CDH12: variants seen among roughly 807,000 people sequenced by gnomAD.
CDH12 encodes the protein cadherin-12.
CDH12 carries 41 observed loss-of-function variants against 74.1 expected under a neutral mutation model. The observed-to-expected ratio is 0.55, with a 90% CI of 0.43 to 0.72. CDH12 has a LOEUF of 0.72. Ranked by LOEUF, CDH12 falls within the 30% of genes least tolerant of loss-of-function variation. The pLI, the probability that CDH12 is intolerant of heterozygous loss-of-function variation, is 0.00. For missense variants in CDH12, 945 were observed against 977.2 expected (o/e 0.97, Z 0.44); for synonymous variants, 399 against 355.0 (o/e 1.12, Z -1.39).
chr5:21,847,821 A>G (rs1202776918), intron 7 of CDH12, among the ~76,000 whole-genome samples: 1 of 152,002 alleles, frequency 6.6e-6, no homozygotes, highest in Non-Finnish European at 1.5e-5. Context: ...TTTCTCTAAC[A>G]TTCTCTCCTT....
intron 3 of CDH12, among the ~76,000 whole-genome samples, chr5:22,284,303 A>G (rs896966432): frequency 2.0e-5 from 3 of 152,160 alleles, no homozygotes; most frequent in African/African-American, 7.2e-5. Context: ...AGCAATATAC[A>G]TTAATTATCT....
intron 1 of CDH12, among the ~76,000 whole-genome samples, chr5:22,762,219 T>A (rs1340386752): frequency 6.6e-6 from 1 of 152,056 alleles, no homozygotes; most frequent in African/African-American, 2.4e-5. Context: ...TATTCCAATA[T>A]ATATACATAA....
At chr5:22,064,239 C>T (rs947295899) in intron 5 of CDH12, among the ~76,000 whole-genome samples, 1 of 152,176 alleles carries the variant, frequency 6.6e-6, no homozygotes, top group African/African-American at 2.4e-5. Flanking sequence ...ACAGGGCCCA[C>T]TGCATGACTT....
At position 21,975,402 on chromosome 5, in the gene CDH12, G is replaced by C. The variant is rs756013001; in HGVS notation, c.232-17C>G. 6 of 1,537,586 alleles carry C rather than the reference G, an allele frequency of 3.9e-6. No homozygotes were observed. In the East Asian group the frequency reaches 1.4e-4, roughly 35 times the overall value. On this transcript the variant is annotated splice_polypyrimidine_tract_variant and intron_variant, in intron 5 of 14. Coordinates refer to ENST00000382254, the MANE Select transcript of CDH12 (RefSeq NM_004061.5). ...GGAATGGAGCTTTAGGGAAGAGAAG[G>C]AGAGAGAGAGGAAGAGAAAGAGAAG...
chr5:22,328,618 T>C (rs907572343), intron 3 of CDH12, among the ~76,000 whole-genome samples: 2 of 152,170 alleles, frequency 1.3e-5, no homozygotes, highest in African/African-American at 4.8e-5. Flanking sequence ...TAGAAGCAGA[T>C]TGGAGAGCCA....
At chr5:22,266,572 T>G (rs1403843351) in intron 3 of CDH12, among the ~76,000 whole-genome samples, 2 of 152,092 alleles carry the variant, frequency 1.3e-5, no homozygotes, top group African/African-American at 2.4e-5. Context: ...TATACATCCA[T>G]TTTTAGGGTA....
intron 1 of CDH12, among the ~76,000 whole-genome samples, chr5:22,775,069 A>G (rs1472766542): frequency 1.3e-5 from 2 of 151,292 alleles, no homozygotes; most frequent in Non-Finnish European, 2.9e-5. Context: ...ATATATTAGA[A>G]TATATATATT....
At chr5:22,839,634 G>A (rs1024343829) in intron 1 of CDH12, among the ~76,000 whole-genome samples, 3 of 152,066 alleles carry the variant, frequency 2.0e-5, no homozygotes, top group Non-Finnish European at 4.4e-5. Context: ...GGGATTACAG[G>A]TGTCAGCCAC....
chr5:22,755,169 T>C (rs1330404723), intron 1 of CDH12, among the ~76,000 whole-genome samples: 1 of 152,220 alleles, frequency 6.6e-6, no homozygotes, highest in Admixed American at 6.5e-5. Context: ...ACTAGTTTTA[T>C]TCATTACAAG....
intron 1 of CDH12, among the ~76,000 whole-genome samples, chr5:22,634,941 A>G (rs1738764057): frequency 6.6e-6 from 1 of 151,664 alleles, no homozygotes; most frequent in Admixed American, 6.6e-5. Flanking sequence ...ATTGAACCAC[A>G]TATTTAACAC....
rs1561199482 is a variant in CDH12, at chr5:21,804,646, ACACACACACACACAC to A, written c.1003-2241_1003-2227del. 2.8e-3 allele frequency among the ~76,000 whole-genome samples: 260 copies of A among 91,408 alleles called. 2 individuals carry two copies. The highest frequency in any genetic ancestry group is 0.011 in the African/African-American group (233 of 21,634). 60.0% of individuals were successfully genotyped at this position (91,408 alleles called of 152,430 possible). A position where few individuals can be genotyped will look rare whatever the true frequency, so the allele number is the denominator to read the frequency against. ...AAATCATTCTATAGTGAATTAAAAC[ACACACACACACACAC>A]ACACACACACACACACACACACACA... On this transcript the variant is annotated intron_variant, in intron 9 of 14. Coordinates refer to ENST00000382254, the MANE Select transcript of CDH12 (RefSeq NM_004061.5).
chr5:22,813,247 A>G (rs1749234105), intron 1 of CDH12, among the ~76,000 whole-genome samples: 1 of 152,202 alleles, frequency 6.6e-6, no homozygotes, highest in Non-Finnish European at 1.5e-5. Flanking sequence ...AAGGACAACT[A>G]GAGGTGTAGT....
rs1021468561 is a variant in CDH12, at chr5:22,264,157, G to T, written c.-332-51514C>A. On this transcript the variant is annotated intron_variant, in intron 3 of 14. Coordinates refer to ENST00000382254, the MANE Select transcript of CDH12 (RefSeq NM_004061.5). ...GGGATTGGTGCCTGGAAGTAATATTGCTGAGACAAAAATATATGAACTTAC... is the reference window on the plus strand; with the variant it reads ...GGGATTGGTGCCTGGAAGTAATATTTCTGAGACAAAAATATATGAACTTAC... 3.3e-5 allele frequency among the ~76,000 whole-genome samples: 5 copies of T among 151,668 alleles called. No homozygotes were observed. The East Asian group carries it at 9.7e-4, about 29-fold the overall frequency.
chr5:22,245,218 G>T (rs1337837601), intron 3 of CDH12, among the ~76,000 whole-genome samples: 1 of 152,148 alleles, frequency 6.6e-6, no homozygotes, highest in Non-Finnish European at 1.5e-5. Context: ...TTAAAATCGG[G>T]CTACTGAAAA....
intron 2 of CDH12, among the ~76,000 whole-genome samples, chr5:22,463,948 A>T (rs1745623710): frequency 1.3e-5 from 2 of 152,190 alleles, no homozygotes; most frequent in African/African-American, 4.8e-5. Context: ...ATAAGATTCC[A>T]TACCATTTGA....
intron 1 of CDH12, among the ~76,000 whole-genome samples, chr5:22,640,780 T>C (rs1739106463): frequency 6.6e-6 from 1 of 152,198 alleles, no homozygotes; most frequent in Non-Finnish European, 1.5e-5. Flanking sequence ...ATGTATATCA[T>C]TATCCACGCA....
rs62349065 is a variant in CDH12, at chr5:21,943,862, C to T, written c.526+31229G>A. ...CTCAAAAATTATTTAAAACTTGACA[C>T]GAATGACACCAAAGAATTAGCCAAG... On this transcript the variant is annotated intron_variant, in intron 6 of 14. Coordinates refer to ENST00000382254, the MANE Select transcript of CDH12 (RefSeq NM_004061.5). 3.9e-5 allele frequency among the ~76,000 whole-genome samples: 6 copies of T among 151,982 alleles called. No homozygotes were observed. The East Asian group carries it at 5.8e-4, about 15-fold the overall frequency.
chr5:22,837,604 G>A (rs1246735460), intron 1 of CDH12, among the ~76,000 whole-genome samples: 1 of 152,134 alleles, frequency 6.6e-6, no homozygotes, highest in Non-Finnish European at 1.5e-5. Context: ...TATGAAGAGA[G>A]TAAAGGATCA....
intron 6 of CDH12, among the ~76,000 whole-genome samples, chr5:21,931,816 C>A (rs187866728): frequency 1.3e-5 from 2 of 152,262 alleles, no homozygotes; most frequent in East Asian, 1.9e-4. Flanking sequence ...TAAGAAGAGA[C>A]AAATTGATTG....
Sources: gnomAD v4.1 joint callset for allele counts (sites outside exome capture counted in the v4.1 genomes callset) on GRCh38, gnomAD v4.1.1 for gene constraint, MANE v1.5 for transcripts, NCBI Gene and HGNC (gene_info 2026-07-23, HGNC 2026-07-21) for gene names.